SIL1: variants seen among roughly 807,000 people sequenced by gnomAD.
SIL1 encodes the protein SIL1 nucleotide exchange factor.
In SIL1, 40 loss-of-function variants were observed where a neutral mutation model predicts 49.1. The ratio of observed to expected loss-of-function variants is 0.81; its 90% CI spans 0.63 to 1.06. SIL1 has a LOEUF of 1.06. Among genes scored for constraint, SIL1 ranks in the 50% least tolerant of loss-of-function variants. SIL1 has a pLI of 0.00. For synonymous variants in SIL1, 253 were observed against 250.8 expected, an observed-to-expected ratio of 1.01 and a Z score of -0.08; for missense variants, 500 against 572.6, an observed-to-expected ratio of 0.87 and a Z score of 1.29.
intron 3 of SIL1, among the ~76,000 whole-genome samples, chr5:139,111,585 C>T (rs1045905380): frequency 3.3e-5 from 5 of 152,182 alleles, no homozygotes; most frequent in Admixed American, 1.3e-4. Context: ...CTCTGTCATG[C>T]CCACCATGGT....
intron 1 of SIL1, among the ~76,000 whole-genome samples, chr5:139,171,139 C>T (rs979628990): frequency 8.3e-5 from 12 of 144,386 alleles, no homozygotes; most frequent in Non-Finnish European, 3.1e-5. Flanking sequence ...GCCTCTGCCC[C>T]GCCGCCCCTA....
intron 1 of SIL1, among the ~76,000 whole-genome samples, chr5:139,194,023 C>T (rs1752221310): frequency 6.6e-6 from 1 of 152,220 alleles, no homozygotes; most frequent in South Asian, 2.1e-4. Flanking sequence ...GAGAATGTTA[C>T]TCATGAATTG....
At chr5:139,122,417 A>AC (rs1211287728) in intron 2 of SIL1, among the ~76,000 whole-genome samples, 2 of 152,008 alleles carry the variant, frequency 1.3e-5, no homozygotes, top group Non-Finnish European at 2.9e-5. Context: ...ACACCACAAA[A>AC]CCCCACCTCT....
At chr5:139,162,591 C>T (rs1751535997) in intron 1 of SIL1, among the ~76,000 whole-genome samples, 1 of 152,184 alleles carries the variant, frequency 6.6e-6, no homozygotes, top group Non-Finnish European at 1.5e-5. Flanking sequence ...GAAAGAAAAT[C>T]ATCTTGATTA....
chr5:139,023,290 G>A (rs1055985693), intron 6 of SIL1, among the ~76,000 whole-genome samples: 5 of 152,108 alleles, frequency 3.3e-5, no homozygotes, highest in South Asian at 2.1e-4. Context: ...TCCCCATCTC[G>A]GTCTGGGGCC....
Position 138,954,262 on chromosome 5 carries a change from A to G in SIL1, c.768-2378T>C, listed in dbSNP as rs76761397. On this transcript the variant is annotated intron_variant, in intron 7 of 9. Coordinates refer to ENST00000394817, the MANE Select transcript of SIL1 (RefSeq NM_022464.5). Reference sequence around the variant, plus strand: ...GTCTGACCTTTTGTAAATTGCTGAAATCAGGTTCATAAGGCAATAAATTCA... The same window carrying G: ...GTCTGACCTTTTGTAAATTGCTGAAGTCAGGTTCATAAGGCAATAAATTCA... Among the ~76,000 whole-genome samples the G allele has an allele frequency of 8.5e-5, 13 of 152,374 alleles. No individual in the cohort carries two copies. In the East Asian group the frequency reaches 2.5e-3, roughly 29 times the overall value.
At chr5:139,041,265 G>A (rs921708107) in intron 5 of SIL1, among the ~76,000 whole-genome samples, 6 of 152,204 alleles carry the variant, frequency 3.9e-5, no homozygotes, top group Non-Finnish European at 5.9e-5. Context: ...TACACTCTCC[G>A]TGTAGGAGAA....
At chr5:139,034,015 A>G (rs1011882824) in intron 5 of SIL1, among the ~76,000 whole-genome samples, 1 of 152,226 alleles carries the variant, frequency 6.6e-6, no homozygotes, top group African/African-American at 2.4e-5. Flanking sequence ...AAAGTGGTAC[A>G]TACACATTTA....
chr5:139,092,425 A>T (rs1770361779), intron 3 of SIL1, among the ~76,000 whole-genome samples: 1 of 152,240 alleles, frequency 6.6e-6, no homozygotes, highest in African/African-American at 2.4e-5. Context: ...AATCGTTTTA[A>T]GAAAGTACAT....
intron 1 of SIL1, among the ~76,000 whole-genome samples, chr5:139,195,229 G>A (rs1263246331): frequency 6.6e-6 from 1 of 152,090 alleles, no homozygotes; most frequent in Non-Finnish European, 1.5e-5. Flanking sequence ...ACCGCACCCG[G>A]CCAGAGACTC....
intron 1 of SIL1, among the ~76,000 whole-genome samples, chr5:139,169,499 C>A (rs1354300226): frequency 7.1e-6 from 1 of 140,802 alleles, no homozygotes; most frequent in Non-Finnish European, 1.5e-5. Flanking sequence ...TTTTTTGAGA[C>A]AGAGTCTTGC....
At chr5:139,101,986 T>C (rs1347861956) in intron 3 of SIL1, among the ~76,000 whole-genome samples, 5 of 152,184 alleles carry the variant, frequency 3.3e-5, no homozygotes, top group African/African-American at 9.6e-5. Context: ...GAAAAGAGTT[T>C]GCCCTCGCTG....
intron 3 of SIL1, among the ~76,000 whole-genome samples, chr5:139,086,646 C>T (rs537872638): frequency 1.5e-4 from 23 of 151,860 alleles, no homozygotes; most frequent in Admixed American, 9.8e-4. Flanking sequence ...CATAAGCCAC[C>T]GCGCCTGGCC....
chr5:139,056,574 CCGCCCCG>C, intron 3 of SIL1, among the ~76,000 whole-genome samples: 1 of 150,882 alleles, frequency 6.6e-6, no homozygotes, highest in African/African-American at 2.4e-5. Flanking sequence ...GACCGGCCAG[CCGCCCCG>C]TCCGGGAGGG....
intron 1 of SIL1, among the ~76,000 whole-genome samples, chr5:139,162,617 C>T (rs775382682): frequency 6.6e-6 from 1 of 152,122 alleles, no homozygotes; most frequent in African/African-American, 2.4e-5. Flanking sequence ...ATTTAAGGAA[C>T]AAAGCAGTAG....
intron 5 of SIL1, 45 bp downstream of exon 5, chr5:139,042,575 A>G (rs778900533): frequency 1.3e-6 from 2 of 1,509,498 alleles, no homozygotes; most frequent in Non-Finnish European, 1.8e-6. Flanking sequence ...AAAGACAACA[A>G]GGCCATGCTG....
At chr5:138,961,933 T>G (rs1952444106) in intron 7 of SIL1, among the ~76,000 whole-genome samples, 1 of 151,220 alleles carries the variant, frequency 6.6e-6, no homozygotes. Flanking sequence ...ACAGTCACTT[T>G]CTGCTGATGT....
intron 4 of SIL1, among the ~76,000 whole-genome samples, chr5:139,049,978 A>G (rs541418131): frequency 2.1e-4 from 32 of 152,134 alleles, no homozygotes; most frequent in African/African-American, 6.7e-4. Context: ...CAATTAATCA[A>G]CTCTGTCATT....
In SIL1 at chr5:139,026,931, T is replaced by C; in HGVS notation, c.515A>G (p.Asp172Gly). 6.2e-7 allele frequency: 1 copy of C among 1,614,240 alleles called. No individual in the cohort carries two copies. The highest frequency in any genetic ancestry group is 8.5e-7 in the Non-Finnish European group (1 of 1,180,052). Residue 172 changes from aspartate to glycine, a missense_variant, in exon 6 of 10, where the codon GAT (aspartate) becomes GGT (glycine). Coordinates refer to ENST00000394817, the MANE Select transcript of SIL1 (RefSeq NM_022464.5). Reference sequence around the variant, plus strand: ...AGTCTCAATGACAACATTCAGCTCATCAAAGTCTTTCTTCAGTTCCTCAAT... The same window carrying C: ...AGTCTCAATGACAACATTCAGCTCACCAAAGTCTTTCTTCAGTTCCTCAAT... ...RPIEELKKDF[D>G]ELNVVIETDM...
Sources: gnomAD v4.1 joint callset for allele counts (sites outside exome capture counted in the v4.1 genomes callset) on GRCh38, gnomAD v4.1.1 for gene constraint, MANE v1.5 for transcripts, NCBI Gene and HGNC (gene_info 2026-07-23, HGNC 2026-07-21) for gene names.